Variants in NCOA1 observed in about 807,000 individuals in gnomAD.
NCOA1 encodes the protein Hin-2 protein.
In NCOA1, 35 loss-of-function variants were observed where a neutral mutation model predicts 150.9. The ratio of observed to expected loss-of-function variants is 0.23; its 90% confidence interval spans 0.18 to 0.31. NCOA1 has a LOEUF of 0.31. Among genes scored for constraint, NCOA1 ranks in the 10% least tolerant of loss-of-function variants. NCOA1 has a pLI of 1.00. For missense variants in NCOA1, 1,491 were observed against 1,749.3 expected, an observed-to-expected ratio of 0.85 and a Z score of 2.63; for synonymous variants, 590 against 630.0, an observed-to-expected ratio of 0.94 and a Z score of 0.95.
rs996422863 is a variant in NCOA1 at position 24,769,740 on chromosome 2, G to A, written c.*1349G>A. On this transcript the variant is annotated 3_prime_UTR_variant, in exon 23 of 23. Transcript: ENST00000348332. ...CATCCCATCTCATCCTGGCCTCTGA[G>A]TCAAGAACCCAGTGAACTGACTTTC... 1 of 221,024 alleles carries A rather than the reference G, an allele frequency of 4.5e-6. No individual in the cohort carries two copies. Among genetic ancestry groups the A allele is most frequent in the African/African-American group, 2.2e-5 (1 of 44,632 alleles). The allele number at this position is 221,024 out of a possible 1,614,324, so 13.7% of individuals were successfully genotyped here.
At chr2:24,513,060 T>C (rs1172850283) in intron 1 of NCOA1, among the ~76,000 whole-genome samples, 1 of 152,228 alleles carries the variant, frequency 6.6e-6, no homozygotes, top group Non-Finnish European at 1.5e-5. Flanking sequence ...CTTAGTCAGA[T>C]ATTAGCTATT....
Position 24,706,955 on chromosome 2 carries a change from T to C in NCOA1, c.1485T>C (p.Ser495=), listed in dbSNP as rs200660116. The C allele has an allele frequency of 4.5e-5, 73 of 1,614,216 alleles. No homozygotes were observed. The Middle Eastern group carries it at 9.9e-4, about 22-fold the overall frequency. ...TGTCTCCAAGGAGACAGGTTACTTC[T>C]GGATTGGCAACAAGGCCCAGGATGC... ...QFMSPRRQVT[S]GLATRPRMPN... is the part of the protein sequence containing the mutation. The change falls in exon 13 of 23, where the codon TCT becomes TCC. Residue 495 remains serine, a synonymous_variant. Coordinates refer to ENST00000348332, the MANE Select transcript of NCOA1 (RefSeq NM_003743.5).
intron 16 of NCOA1, among the ~76,000 whole-genome samples, chr2:24,729,008 A>G (rs1328324382): frequency 6.6e-6 from 1 of 152,254 alleles, no homozygotes; most frequent in Non-Finnish European, 1.5e-5. Flanking sequence ...CACGCGCGCA[A>G]TTAGGTCACA....
chr2:24,495,622 A>G (rs2148061244), intron 1 of NCOA1, among the ~76,000 whole-genome samples: 1 of 152,340 alleles, frequency 6.6e-6, no homozygotes, highest in South Asian at 2.1e-4. Context: ...TATCAGGACC[A>G]GAATTCTAAT....
intron 7 of NCOA1, among the ~76,000 whole-genome samples, chr2:24,680,610 A>C (rs763826321): frequency 2.0e-5 from 3 of 152,144 alleles, no homozygotes; most frequent in Non-Finnish European, 4.4e-5. Flanking sequence ...CAAAAGATGA[A>C]AACCTTTCAA....
intron 3 of NCOA1, among the ~76,000 whole-genome samples, chr2:24,602,981 A>G (rs1482985013): frequency 1.3e-5 from 2 of 152,192 alleles, no homozygotes; most frequent in African/African-American, 4.8e-5. Flanking sequence ...TAAATTATCT[A>G]TTGATCCACT....
chr2:24,500,099 T>TC (rs1212220869), intron 1 of NCOA1, among the ~76,000 whole-genome samples: 76 of 150,152 alleles, frequency 5.1e-4, no homozygotes, highest in East Asian at 3.6e-3. Flanking sequence ...GTAGTTTCTT[T>TC]TTTTCTTTCT....
At chr2:24,697,542 CTTTT>C in intron 10 of NCOA1, 112 bp from the exon 11 acceptor site, 2 of 914,618 alleles carry the variant, frequency 2.2e-6, no homozygotes, top group Non-Finnish European at 3.2e-6. Flanking sequence ...CTTTTTGATG[CTTTT>C]GTTTATTGAG....
At position 24,516,965 on chromosome 2, in the gene NCOA1, C is replaced by CGT. The variant is rs1156713104; in HGVS notation, c.-396+25364_-396+25365dup. Among the ~76,000 whole-genome samples the CGT allele has an allele frequency of 7.3e-4, 66 of 90,340 alleles. 2 individuals carry two copies. The highest frequency in any genetic ancestry group is 1.8e-3 in the African/African-American group (49 of 27,118). 59.3% of individuals were successfully genotyped at this position (90,340 alleles called of 152,430 possible). A position where few individuals can be genotyped will look rare whatever the true frequency, so the allele number is the denominator to read the frequency against. On this transcript the variant is annotated intron_variant, in intron 1 of 22. Coordinates refer to ENST00000348332, the MANE Select transcript of NCOA1 (RefSeq NM_003743.5). ...ATACGTATATATACAAGTATATATA[C>CGT]GTATATATACACATATACGTATATA...
intron 19 of NCOA1, among the ~76,000 whole-genome samples, 179 bp downstream of exon 19, chr2:24,742,365 G>T (rs909585274): frequency 8.5e-5 from 13 of 152,170 alleles, no homozygotes; most frequent in African/African-American, 3.1e-4. Flanking sequence ...TGACTGGTTT[G>T]AGGCTTATCT....
intron 17 of NCOA1, among the ~76,000 whole-genome samples, chr2:24,730,885 A>AC (rs1662969893): frequency 6.6e-6 from 1 of 150,914 alleles, no homozygotes; most frequent in Non-Finnish European, 1.5e-5. Context: ...AAAAAAAAAA[A>AC]AAAAAAAACG....
chr2:24,502,010 C>T (rs1313153546), intron 1 of NCOA1, among the ~76,000 whole-genome samples: 1 of 152,162 alleles, frequency 6.6e-6, no homozygotes. Context: ...ATTGCAGTGC[C>T]TTTGGCTTTT....
chr2:24,557,863 C>T (rs775289620), intron 1 of NCOA1, among the ~76,000 whole-genome samples: 7 of 151,046 alleles, frequency 4.6e-5, no homozygotes, highest in Non-Finnish European at 7.4e-5. Context: ...ATTTTTTTCT[C>T]TCTCTAACTT....
At chr2:24,633,862 A>C (rs532181620) in intron 3 of NCOA1, among the ~76,000 whole-genome samples, 173 of 152,360 alleles carry the variant, frequency 1.1e-3, no homozygotes, top group Non-Finnish European at 1.7e-3. Flanking sequence ...TCTTCTACTT[A>C]TGCATATGAA....
At chr2:24,645,554 C>T (rs189017875) in intron 4 of NCOA1, among the ~76,000 whole-genome samples, 10 of 149,222 alleles carry the variant, frequency 6.7e-5, no homozygotes, top group Admixed American at 5.3e-4. Flanking sequence ...CTAGAGCAAA[C>T]ACAACTCTTT....
chr2:24,687,880 T>C (rs1388421732), intron 8 of NCOA1, among the ~76,000 whole-genome samples: 1 of 152,158 alleles, frequency 6.6e-6, no homozygotes. Flanking sequence ...CCAATAGTTA[T>C]TTTTTCTGAT....
intron 1 of NCOA1, among the ~76,000 whole-genome samples, chr2:24,527,841 C>T (rs992299382): frequency 2.0e-5 from 3 of 152,108 alleles, no homozygotes; most frequent in Non-Finnish European, 4.4e-5. Context: ...TATCTCTTTC[C>T]TTTTTAATAA....
chr2:24,666,832 C>G (rs1455656501), intron 6 of NCOA1, among the ~76,000 whole-genome samples: 1 of 152,028 alleles, frequency 6.6e-6, no homozygotes, highest in Non-Finnish European at 1.5e-5. Context: ...GGGGTTGCAC[C>G]ATGTTGGCCA....
intron 3 of NCOA1, among the ~76,000 whole-genome samples, chr2:24,630,124 C>A (rs1355596622): frequency 6.6e-6 from 1 of 152,012 alleles, no homozygotes; most frequent in East Asian, 1.9e-4. Flanking sequence ...AGATTACAGG[C>A]GCGAGCCACC....
Sources: gnomAD v4.1 joint callset for allele counts (sites outside exome capture counted in the v4.1 genomes callset) on GRCh38, gnomAD v4.1.1 for gene constraint, MANE v1.5 for transcripts, NCBI Gene and HGNC (gene_info 2026-07-23, HGNC 2026-07-21) for gene names.